SP110: variants seen among roughly 807,000 people sequenced by gnomAD.
SP110 encodes the protein interferon-induced protein 41, 30kD.
In SP110, 62 loss-of-function variants were observed where a neutral mutation model predicts 92.7. That is an observed-to-expected ratio of 0.67 (90% CI 0.55 to 0.83). The LOEUF is 0.83. SP110 is among the 40% of genes least tolerant of loss of function. SP110 has a pLI of 0.00. For missense variants in SP110, 793 were observed against 863.9 expected, an observed-to-expected ratio of 0.92 and a Z score of 1.03; for synonymous variants, 273 against 305.3, an observed-to-expected ratio of 0.89 and a Z score of 1.10.
At chr2:230,198,196 G>A (rs1259627660) in intron 10 of SP110, among the ~76,000 whole-genome samples, 3 of 152,142 alleles carry the variant, frequency 2.0e-5, no homozygotes, top group Non-Finnish European at 4.4e-5. Flanking sequence ...GCCTTCTGGC[G>A]CCTCCCTCTT....
At chr2:230,184,122 G>A (rs2042250736) in intron 11 of SP110, among the ~76,000 whole-genome samples, 1 of 152,204 alleles carries the variant, frequency 6.6e-6, no homozygotes, top group Non-Finnish European at 1.5e-5. Context: ...GATACAGCAG[G>A]ATGGTGCAAG....
rs534322969 is a variant in SP110, at chr2:230,185,925, C to T, written c.1279+69G>A. ...CTATTGACTTTACATATCTATCTGA[C>T]CCTGTACTGCTCCAAGAGGCCCTCC... On this transcript the variant is annotated intron_variant, in intron 11 of 18. Transcript: ENST00000258381. 37 of 1,337,666 alleles carry T rather than the reference C, an allele frequency of 2.8e-5. No individual in the cohort carries two copies. The African/African-American group carries it at 3.6e-4, about 13-fold the overall frequency. The allele number at this position is 1,337,666 out of a possible 1,614,324, so 82.9% of individuals were successfully genotyped here.
At chr2:230,224,648 A>C, upstream of SP110, among the ~76,000 whole-genome samples, 1 of 152,120 alleles carries the variant, frequency 6.6e-6, no homozygotes, top group Non-Finnish European at 1.5e-5. Context: ...AAGGGGTAGA[A>C]ATTTCTTGCA....
intron 12 of SP110, among the ~76,000 whole-genome samples, chr2:230,180,582 A>T (rs1428275406): frequency 1.3e-5 from 2 of 152,210 alleles, no homozygotes; most frequent in Admixed American, 6.5e-5. Flanking sequence ...TTGGGGTCAG[A>T]TGTGGAGAGA....
rs551591499 is a variant in SP110 at position 230,168,038 on chromosome 2, G to A, written c.*1086C>T. The A allele has an allele frequency of 6.7e-6, 1 of 148,450 alleles. No homozygotes were observed. The highest frequency in any genetic ancestry group is 2.5e-5 in the African/African-American group (1 of 40,302). The allele number at this position is 148,450 out of a possible 1,614,324, so 9.2% of individuals were successfully genotyped here. On this transcript the variant is annotated 3_prime_UTR_variant, in exon 19 of 19. Transcript: ENST00000258381. ...GCAGGAGAATCGCTTGCACCCAGGA[G>A]GAGGAGGTTGCAGTGAGTCAAGATG...
chr2:230,206,616 T>TATAC (rs2043873435), intron 8 of SP110, among the ~76,000 whole-genome samples: 1 of 79,324 alleles, frequency 1.3e-5, no homozygotes, highest in Non-Finnish European at 2.9e-5. Flanking sequence ...TATATATATA[T>TATAC]ATATATATAT....
At chr2:230,181,961 C>T (rs2042145873) in intron 12 of SP110, among the ~76,000 whole-genome samples, 1 of 152,240 alleles carries the variant, frequency 6.6e-6, no homozygotes, top group African/African-American at 2.4e-5. Context: ...ACTGGGTATA[C>T]ACCCAAAGGA....
chr2:230,172,372 C>T, intron 15 of SP110, 198 bp from the exon 16 acceptor site: 1 of 630,992 alleles, frequency 1.6e-6, no homozygotes, highest in Non-Finnish European at 2.9e-6. Flanking sequence ...AGGCGGGCAG[C>T]CTGAGGAAGG....
At chr2:230,214,867 A>G (rs1231547718) in intron 3 of SP110, 83 bp downstream of exon 3, 2 of 1,161,746 alleles carry the variant, frequency 1.7e-6, no homozygotes, top group Non-Finnish European at 2.6e-6. Flanking sequence ...ATTAACGTGC[A>G]TATTCCACAG....
intron 11 of SP110, among the ~76,000 whole-genome samples, chr2:230,184,902 T>C (rs2042286456): frequency 6.6e-6 from 1 of 152,266 alleles, no homozygotes; most frequent in South Asian, 2.1e-4. Flanking sequence ...AAGGGCCAAA[T>C]TGGCCTACTG....
At chr2:230,181,816 G>A (rs1422393378) in intron 12 of SP110, among the ~76,000 whole-genome samples, 1 of 152,214 alleles carries the variant, frequency 6.6e-6, no homozygotes, top group Non-Finnish European at 1.5e-5. Context: ...ATGCTGGCAA[G>A]GCTGTGGAGA....
chr2:230,204,381 G>A (rs1164292884), intron 8 of SP110, among the ~76,000 whole-genome samples: 1 of 152,136 alleles, frequency 6.6e-6, no homozygotes, highest in Non-Finnish European at 1.5e-5. Context: ...CTGGGCTGCT[G>A]GCCACGGGGT....
upstream of SP110, among the ~76,000 whole-genome samples, chr2:230,224,104 C>A (rs1468296308): frequency 6.6e-6 from 1 of 152,234 alleles, no homozygotes; most frequent in African/African-American, 2.4e-5. Flanking sequence ...CTATCCTTAC[C>A]TGGGCTAATG....
At chr2:230,183,430 C>A in intron 12 of SP110, 142 bp downstream of exon 12, 1 of 747,056 alleles carries the variant, frequency 1.3e-6, no homozygotes, top group Non-Finnish European at 2.4e-6. Flanking sequence ...CCTGATGCAC[C>A]CAATTCAGCT....
intron 10 of SP110, among the ~76,000 whole-genome samples, chr2:230,196,756 T>C (rs1027279467): frequency 1.3e-5 from 2 of 149,852 alleles, no homozygotes; most frequent in Admixed American, 1.3e-4. Context: ...TGTGCTCTCA[T>C]TGTTCAATTC....
In SP110 at chr2:230,212,807, A is replaced by G; in HGVS notation, c.537T>C (p.Pro179=). The change falls in exon 4 of 19, where the codon CCT becomes CCC. Residue 179 remains proline (P), a synonymous_variant. Transcript: ENST00000258381. Reference sequence around the variant, plus strand: ...GGATGAGTGCAGGGAGAGGCAGGACAGGGTCAGATGGGCTGGGCGACTCAC... The same window carrying G: ...GGATGAGTGCAGGGAGAGGCAGGACGGGGTCAGATGGGCTGGGCGACTCAC... ...ILSESPSPSD[P]VLPLPALIQE... The G allele has an allele frequency of 6.2e-7, 1 of 1,614,180 alleles. No homozygotes were observed. The highest frequency in any genetic ancestry group is 8.5e-7 in the Non-Finnish European group (1 of 1,180,022).
intron 8 of SP110, chr2:230,203,271 G>C (rs557907778): frequency 6.1e-6 from 1 of 164,526 alleles, no homozygotes; most frequent in Admixed American, 5.6e-5. Context: ...AATGCCAGAG[G>C]GTGCAGAGGT....
chr2:230,183,667 T>C (rs1451654513), intron 11 of SP110, 27 bp from the exon 12 acceptor site: 3 of 1,294,934 alleles, frequency 2.3e-6, no homozygotes, highest in Non-Finnish European at 3.4e-6. Context: ...TAATCACTTA[T>C]AGCTACAAAC....
Position 230,200,826 on chromosome 2 carries a change from A to AG in SP110, c.1129+58dup, listed in dbSNP as rs779593953. On this transcript the variant is annotated intron_variant, in intron 10 of 18. Transcript: ENST00000258381. ...AAGAAATATTGCCTCAGTGTAAGACAGCTCTGAATTTAGATTCCTGGTGAC... is the reference window on the plus strand; with the variant it reads ...AAGAAATATTGCCTCAGTGTAAGACAGGCTCTGAATTTAGATTCCTGGTGAC... 162 of 1,255,314 alleles carry AG rather than the reference A, an allele frequency of 1.3e-4. No homozygotes were observed. The Admixed American group carries it at 2.6e-3, about 20-fold the overall frequency. 77.8% of individuals were successfully genotyped at this position (1,255,314 alleles called of 1,614,324 possible). A position where few individuals can be genotyped will look rare whatever the true frequency, so the allele number is the denominator to read the frequency against.
Sources: gnomAD v4.1 joint callset for allele counts (sites outside exome capture counted in the v4.1 genomes callset) on GRCh38, gnomAD v4.1.1 for gene constraint, MANE v1.5 for transcripts, NCBI Gene and HGNC (gene_info 2026-07-23, HGNC 2026-07-21) for gene names.